The following COL4A4 variants were observed in gnomAD, a reference collection of about 807,000 sequenced individuals.
COL4A4 encodes collagen alpha-4(IV) chain.
In COL4A4, 105 loss-of-function variants were observed where a neutral mutation model predicts 192.9. That is an observed-to-expected ratio of 0.54 (90% CI 0.46 to 0.64). The LOEUF (loss-of-function observed/expected upper bound fraction) is 0.64, where lower values mean the gene tolerates loss of function less well. COL4A4 is among the 30% of genes least tolerant of loss of function. The probability of loss-of-function intolerance (pLI) is 0.00; values close to 1 mark genes in which losing one functional copy is unlikely to be tolerated. For missense variants in COL4A4, 1,967 were observed against 2,169.3 expected (o/e 0.91, Z 1.85); for synonymous variants, 762 against 769.9 (o/e 0.99, Z 0.17).
chr2:227,001,859 T>C (rs753666095), downstream of COL4A4, among the ~76,000 whole-genome samples: 2 of 152,178 alleles, frequency 1.3e-5, no homozygotes, highest in African/African-American at 2.4e-5. Flanking sequence ...CAAATACCAA[T>C]GAAGTTCCTT....
At position 227,010,185 on chromosome 2, in the gene COL4A4, GT is replaced by G. The variant is rs982802954; in HGVS notation, c.4522+127del. On this transcript the variant is annotated intron_variant, in intron 46 of 47. Transcript: ENST00000396625. ...ATTAGCTGAGAATGACCATGCTAGT[GT>G]TTTTGTTTTAAAAGTAAGAATAATC... 43 of 987,428 alleles carry G rather than the reference GT, an allele frequency of 4.4e-5. No individual in the cohort carries two copies. The African/African-American group carries it at 6.2e-4, about 14-fold the overall frequency. The allele number at this position is 987,428 out of a possible 1,614,324, so 61.2% of individuals were successfully genotyped here.
At chr2:227,034,778 C>T (rs1283340554) in intron 37 of COL4A4, among the ~76,000 whole-genome samples, 2 of 135,614 alleles carry the variant, frequency 1.5e-5, no homozygotes, top group African/African-American at 5.5e-5. Context: ...CATGTGTTCT[C>T]ATTGTTCAAT....
At chr2:227,078,224 C>T (rs2059137759) in intron 24 of COL4A4, 147 bp from the exon 25 acceptor site, 1 of 639,010 alleles carries the variant, frequency 1.6e-6, no homozygotes, top group African/African-American at 1.8e-5. Flanking sequence ...AAATAAATAA[C>T]TTAGATACTT....
intron 43 of COL4A4, chr2:227,022,413 ATGAG>A: frequency 1.4e-6 from 1 of 725,348 alleles, no homozygotes; most frequent in South Asian, 1.4e-5. Context: ...GGCTGACCGA[ATGAG>A]TGAATGGAGT....
At position 227,079,322 on chromosome 2, in the gene COL4A4, G is replaced by T. The variant is rs963289462; in HGVS notation, c.1803+1121C>A. On this transcript the variant is annotated intron_variant, in intron 24 of 47. Transcript: ENST00000396625. ...GTCTCCTAGTTTGATCTATATAGAC[G>T]CTGCTTTTTCACAATTAGATGAGTA... 5.3e-5 allele frequency among the ~76,000 whole-genome samples: 8 copies of T among 152,314 alleles called. 1 individual carries two copies. In the South Asian group the frequency reaches 1.4e-3, roughly 28 times the overall value.
At chr2:227,136,484 T>C (rs1347607817) in intron 4 of COL4A4, among the ~76,000 whole-genome samples, 2 of 152,118 alleles carry the variant, frequency 1.3e-5, no homozygotes, top group African/African-American at 2.4e-5. Flanking sequence ...GGGGCAGTAA[T>C]GGGGATTACA....
At chr2:227,060,725 ATTTTTTT>A (rs11458771) in intron 26 of COL4A4, among the ~76,000 whole-genome samples, 1 of 139,058 alleles carries the variant, frequency 7.2e-6, no homozygotes, top group African/African-American at 2.7e-5. Context: ...GTAATAGAGA[ATTTTTTT>A]TTTTTTTTTT....
intron 9 of COL4A4, chr2:227,109,561 A>G: frequency 1.7e-6 from 1 of 572,502 alleles, no homozygotes; most frequent in Non-Finnish European, 3.2e-6. Context: ...ATCCTGGCCA[A>G]CATGGTGAAA....
chr2:227,073,459 G>A (rs1178088687), intron 25 of COL4A4, among the ~76,000 whole-genome samples: 2 of 151,978 alleles, frequency 1.3e-5, no homozygotes, highest in African/African-American at 4.8e-5. Flanking sequence ...ATGTGAAAAT[G>A]ACCACACTTC....
At chr2:227,017,463 A>C (rs1051413478) in intron 44 of COL4A4, among the ~76,000 whole-genome samples, 1 of 152,236 alleles carries the variant, frequency 6.6e-6, no homozygotes, top group Non-Finnish European at 1.5e-5. Context: ...TGAGAGGGCA[A>C]GTGTTGCCTT....
At chr2:226,993,693 G>C in the COL4A4 span, among the ~76,000 whole-genome samples, 1 of 152,192 alleles carries the variant, frequency 6.6e-6, no homozygotes, top group Non-Finnish European at 1.5e-5. Flanking sequence ...AGGAGAATCA[G>C]TTATGGGGAA....
At chr2:226,971,069 A>ATTTTATAGT in the COL4A4 span, among the ~76,000 whole-genome samples, 394 of 152,268 alleles carry the variant, frequency 2.6e-3, 3 homozygotes, top group Non-Finnish European at 1.4e-3. Context: ...ACTACTTTTA[A>ATTTTATAGT]TTTTATAGTT....
intron 31 of COL4A4, among the ~76,000 whole-genome samples, chr2:227,053,447 G>A (rs892139122): frequency 2.0e-5 from 3 of 151,934 alleles, no homozygotes; most frequent in Admixed American, 2.0e-4. Context: ...GGACTAAGGA[G>A]TAGGAGTAAA....
intron 4 of COL4A4, among the ~76,000 whole-genome samples, chr2:227,130,857 A>G (rs2062408028): frequency 1.3e-5 from 2 of 151,954 alleles, no homozygotes. Flanking sequence ...GCCTGCCCCA[A>G]CTGCGCCAGG....
the COL4A4 span, among the ~76,000 whole-genome samples, chr2:226,992,445 G>A: frequency 6.6e-6 from 1 of 152,236 alleles, no homozygotes; most frequent in Non-Finnish European, 1.5e-5. Flanking sequence ...ATAACACTGA[G>A]TTGGAAGGAT....
intron 1 of COL4A4, among the ~76,000 whole-genome samples, chr2:227,155,882 A>T (rs2125496058): frequency 6.6e-6 from 1 of 152,198 alleles, no homozygotes; most frequent in Middle Eastern, 3.4e-3. Flanking sequence ...TGCAACTAAA[A>T]ATTACACTTC....
chr2:227,029,797 C>T (rs1226396829), intron 41 of COL4A4, among the ~76,000 whole-genome samples: 1 of 152,016 alleles, frequency 6.6e-6, no homozygotes, highest in Non-Finnish European at 1.5e-5. Context: ...ATATTTTAAC[C>T]TCAAATACTG....
chr2:227,140,383 C>T (rs2063121137), intron 3 of COL4A4, 145 bp from the exon 4 acceptor site: 1 of 708,482 alleles, frequency 1.4e-6, no homozygotes, highest in Non-Finnish European at 2.5e-6. Flanking sequence ...AGATGAAGAA[C>T]TTACACAGTA....
At chr2:227,158,533 G>A (rs2064539088) in intron 1 of COL4A4, among the ~76,000 whole-genome samples, 1 of 151,850 alleles carries the variant, frequency 6.6e-6, no homozygotes, top group Admixed American at 6.6e-5. Context: ...AAAATGAAAA[G>A]ACAATTCTCA....
Sources: gnomAD v4.1 joint callset for allele counts (sites outside exome capture counted in the v4.1 genomes callset) on GRCh38, gnomAD v4.1.1 for gene constraint, MANE v1.5 for transcripts, NCBI Gene and HGNC (gene_info 2026-07-23, HGNC 2026-07-21) for gene names.